KCNN2: variants seen among roughly 807,000 people sequenced by gnomAD.
KCNN2 encodes potassium calcium-activated channel subfamily N member 2.
KCNN2 carries 24 observed loss-of-function variants against 55.5 expected under a neutral mutation model. The observed-to-expected ratio is 0.43, with a 90% CI of 0.31 to 0.61. The LOEUF is 0.61. Ranked by LOEUF, KCNN2 falls within the 20% of genes least tolerant of loss-of-function variation. KCNN2 has a pLI of 0.08. For missense variants in KCNN2, 754 were observed against 853.6 expected, an observed-to-expected ratio of 0.88 and a Z score of 1.45; for synonymous variants, 431 against 336.1, an observed-to-expected ratio of 1.28 and a Z score of -3.09.
upstream of KCNN2, among the ~76,000 whole-genome samples, chr5:114,358,229 T>C (rs954638527): frequency 6.6e-6 from 1 of 151,940 alleles, no homozygotes; most frequent in Admixed American, 6.5e-5. Flanking sequence ...AGGGCTAATA[T>C]CCAGAATCTA....
chr5:114,362,473 TG>T lies in KCNN2; in HGVS notation c.335del (p.Cys112SerfsTer16). 3.1e-6 allele frequency: 1 copy of T among 323,658 alleles called. No homozygotes were observed. The highest frequency in any genetic ancestry group is 2.2e-5 in the African/African-American group (1 of 45,500). 20.0% of individuals were successfully genotyped at this position (323,658 alleles called of 1,614,324 possible). A position where few individuals can be genotyped will look rare whatever the true frequency, so the allele number is the denominator to read the frequency against. On this transcript the variant is annotated frameshift_variant, in exon 1 of 8. Coordinates refer to ENST00000673685, the MANE Select transcript of KCNN2 (RefSeq NM_021614.4). LOFTEE classifies it high-confidence loss of function. ...CTCCTCGCCGCTGTCGGGCTCGTCC[TG>T]CTGCTGCTGCTGCTGCTCGTCGCGC... is the stretch of plus-strand genomic sequence containing the variant. ...RTSSPLSGSS[C>X]CCCCCSSRRG...
intron 1 of KCNN2, among the ~76,000 whole-genome samples, chr5:114,123,360 T>TGTCTTCAGC (rs1434552066): frequency 3.2e-4 from 16 of 50,338 alleles, no homozygotes; most frequent in African/African-American, 4.4e-4. Flanking sequence ...AATTTTTTTT[T>TGTCTTCAGC]TTTTTTTTTT....
intron 2 of KCNN2, among the ~76,000 whole-genome samples, chr5:114,308,049 T>G (rs1756319383): frequency 6.6e-6 from 1 of 152,130 alleles, no homozygotes; most frequent in South Asian, 2.1e-4. Flanking sequence ...GTCCCTTTGT[T>G]GTATAAATTA....
chr5:114,477,597 G>A (rs1396842572), intron 5 of KCNN2, among the ~76,000 whole-genome samples: 1 of 152,158 alleles, frequency 6.6e-6, no homozygotes, highest in East Asian at 1.9e-4. Flanking sequence ...TAGTAAGACA[G>A]GACCAGCTAT....
At chr5:114,205,384 C>T (rs930337162) in intron 1 of KCNN2, among the ~76,000 whole-genome samples, 15 of 152,310 alleles carry the variant, frequency 9.8e-5, no homozygotes, top group African/African-American at 2.6e-4. Flanking sequence ...GCTGCCTAGT[C>T]ATTTTTGTGT....
At chr5:114,152,242 G>C (rs535769692) in intron 1 of KCNN2, among the ~76,000 whole-genome samples, 29 of 152,186 alleles carry the variant, frequency 1.9e-4, no homozygotes, top group African/African-American at 6.5e-4. Flanking sequence ...CATGTTTTGG[G>C]ATTCAGAAAA....
chr5:114,113,900 T>G (rs1041373494), intron 1 of KCNN2, among the ~76,000 whole-genome samples: 1 of 152,092 alleles, frequency 6.6e-6, no homozygotes, highest in African/African-American at 2.4e-5. Flanking sequence ...GCAGCTTCTG[T>G]GAAATCTCAG....
At chr5:114,300,884 C>T (rs1039047327) in intron 2 of KCNN2, among the ~76,000 whole-genome samples, 9 of 152,174 alleles carry the variant, frequency 5.9e-5, no homozygotes, top group African/African-American at 2.2e-4. Context: ...TCCCACATGA[C>T]TGTGTTGGAC....
chr5:114,293,033 A>G (rs1452429389), intron 2 of KCNN2, among the ~76,000 whole-genome samples: 1 of 152,182 alleles, frequency 6.6e-6, no homozygotes, highest in Non-Finnish European at 1.5e-5. Flanking sequence ...ATTTTTGCAC[A>G]TTGATTTTGT....
chr5:114,203,981 A>G (rs1753723144), intron 1 of KCNN2, among the ~76,000 whole-genome samples: 1 of 152,200 alleles, frequency 6.6e-6, no homozygotes, highest in East Asian at 1.9e-4. Context: ...GATTTCATTC[A>G]TTTCAAGCTT....
intron 1 of KCNN2, among the ~76,000 whole-genome samples, chr5:114,179,191 A>T (rs1319401128): frequency 6.6e-6 from 1 of 152,154 alleles, no homozygotes. Flanking sequence ...TCCAGCTCAG[A>T]TTCTCTCCCA....
intron 2 of KCNN2, among the ~76,000 whole-genome samples, chr5:114,399,419 GA>G (rs1173359918): frequency 6.6e-6 from 1 of 152,138 alleles, no homozygotes; most frequent in African/African-American, 2.4e-5. Flanking sequence ...TACATGTGTT[GA>G]ACCAACCTTG....
Position 114,177,980 on chromosome 5 carries a change from G to C in KCNN2, c.-270-43500G>C, listed in dbSNP as rs533799122. ...TGTGTTACGCCTGTCTTAAGTTTGAGTGCCTTGTAATTTTATCATATGACA... is the reference window on the plus strand; with the variant it reads ...TGTGTTACGCCTGTCTTAAGTTTGACTGCCTTGTAATTTTATCATATGACA... On this transcript the variant is annotated intron_variant, in intron 1 of 10. Transcript: ENST00000512097. 6.6e-5 allele frequency among the ~76,000 whole-genome samples: 10 copies of C among 152,288 alleles called. No individual in the cohort carries two copies. The South Asian group carries it at 2.1e-3, about 32-fold the overall frequency.
At chr5:114,222,094 T>C (rs1754151288) in intron 2 of KCNN2, among the ~76,000 whole-genome samples, 1 of 152,226 alleles carries the variant, frequency 6.6e-6, no homozygotes, top group Non-Finnish European at 1.5e-5. Flanking sequence ...CATTGTCTAG[T>C]TGCCAGATAA....
chr5:114,334,308 G>A (rs1756879102), intron 2 of KCNN2, among the ~76,000 whole-genome samples: 1 of 134,634 alleles, frequency 7.4e-6, no homozygotes, highest in Non-Finnish European at 1.6e-5. Flanking sequence ...GTGTGTGTGT[G>A]TATAAGGCTC....
intron 2 of KCNN2, among the ~76,000 whole-genome samples, chr5:114,327,577 C>A (rs186392449): frequency 6.6e-6 from 1 of 152,084 alleles, no homozygotes; most frequent in African/African-American, 2.4e-5. Flanking sequence ...TTGAGTAGGA[C>A]GCAGAAGGTT....
intron 2 of KCNN2, among the ~76,000 whole-genome samples, chr5:114,238,156 A>G (rs937123129): frequency 6.6e-6 from 1 of 152,216 alleles, no homozygotes; most frequent in African/African-American, 2.4e-5. Flanking sequence ...ATCACAGTAA[A>G]GGTGAGATAT....
At chr5:114,148,013 A>C (rs6873105) in intron 1 of KCNN2, among the ~76,000 whole-genome samples, 124,506 of 151,988 alleles carry the variant, frequency 0.82, 51,996 homozygotes, top group East Asian at 0.94. Flanking sequence ...AATTATTTTT[A>C]AAAATCTGTC....
In KCNN2 at chr5:114,205,554, G is replaced by C. The variant is rs539435809; in HGVS notation, c.-270-15926G>C. On this transcript the variant is annotated intron_variant, in intron 1 of 10. Coordinates refer to the KCNN2 transcript ENST00000512097. ...AGCTTTCATCACTGTAGGTGGTATA[G>C]AAGAGCAAAACAATAGAATTAGGAC... Among the ~76,000 whole-genome samples, 101 of 152,306 alleles carry C rather than the reference G, an allele frequency of 6.6e-4. 2 individuals carry two copies. The South Asian group carries it at 0.01, about 16-fold the overall frequency.
Sources: allele counts gnomAD v4.1 joint callset (sites outside exome capture counted in the v4.1 genomes callset), GRCh38; gene constraint gnomAD v4.1.1; transcripts MANE v1.5; gene names NCBI Gene and HGNC (gene_info 2026-07-23, HGNC 2026-07-21).